Variants in ACSM1 observed in about 807,000 individuals in gnomAD.
The protein encoded by ACSM1 is acyl-coenzyme A synthetase ACSM1, mitochondrial.
ACSM1 carries 79 observed loss-of-function variants against 75.8 expected under a neutral mutation model. That is an observed-to-expected ratio of 1.04 (90% CI 0.87 to 1.26). The LOEUF (loss-of-function observed/expected upper bound fraction) is 1.26, where lower values mean the gene tolerates loss of function less well. Ranked by LOEUF, ACSM1 falls within the 50% of genes most tolerant of loss-of-function variation. The pLI, the probability that ACSM1 is intolerant of heterozygous loss-of-function variation, is 0.00. For missense variants in ACSM1, 676 were observed against 720.1 expected, an observed-to-expected ratio of 0.94 and a Z score of 0.70; for synonymous variants, 279 against 265.8, an observed-to-expected ratio of 1.05 and a Z score of -0.48.
chr16:20,674,753 C>T (rs1026476487), intron 4 of ACSM1: 3 of 152,340 alleles, frequency 2.0e-5, no homozygotes, highest in Non-Finnish European at 4.4e-5. Context: ...GCTCTCCCCG[C>T]ATCCTGCCCA....
At chr16:20,666,925 C>T (rs373189519) in intron 6 of ACSM1, among the ~76,000 whole-genome samples, 5 of 152,068 alleles carry the variant, frequency 3.3e-5, no homozygotes, top group Admixed American at 6.6e-5. Context: ...TCCTACCTTT[C>T]GCCATATACA....
chr16:20,679,265 C>G (rs935360413), intron 4 of ACSM1: 1 of 152,258 alleles, frequency 6.6e-6, no homozygotes, highest in Non-Finnish European at 1.5e-5. Context: ...TTGCCCCACC[C>G]GAATAGACCT....
intron 8 of ACSM1, among the ~76,000 whole-genome samples, chr16:20,639,126 G>A (rs74011806): frequency 0.016 from 2,506 of 152,280 alleles, 55 homozygotes; most frequent in African/African-American, 0.057. Flanking sequence ...GGAGACAGAG[G>A]GAGAAAGTGG....
At chr16:20,641,903 G>A (rs1371253553) in intron 7 of ACSM1, among the ~76,000 whole-genome samples, 1 of 152,202 alleles carries the variant, frequency 6.6e-6, no homozygotes, top group Non-Finnish European at 1.5e-5. Context: ...GGAGTGCTCG[G>A]AAGAATCAGG....
chr16:20,678,493 C>A (rs163255), intron 4 of ACSM1, among the ~76,000 whole-genome samples: 1 of 152,104 alleles, frequency 6.6e-6, no homozygotes, highest in Middle Eastern at 3.4e-3. Flanking sequence ...TGAACTTCAC[C>A]GAATTACCCT....
At chr16:20,677,232 A>C (rs566634698) in intron 4 of ACSM1, among the ~76,000 whole-genome samples, 104 of 151,914 alleles carry the variant, frequency 6.8e-4, no homozygotes, top group African/African-American at 2.5e-3. Context: ...AAATTAAAAA[A>C]AAAAAAAAAG....
intron 1 of ACSM1, among the ~76,000 whole-genome samples, chr16:20,696,985 T>C (rs559551329): frequency 6.6e-6 from 1 of 152,310 alleles, no homozygotes; most frequent in South Asian, 2.1e-4. Context: ...TGTGATAATT[T>C]ACTTGCTGGC....
At chr16:20,694,426 A>C (rs1384949791) in intron 1 of ACSM1, among the ~76,000 whole-genome samples, 1 of 152,222 alleles carries the variant, frequency 6.6e-6, no homozygotes, top group East Asian at 1.9e-4. Context: ...CAAACATTTC[A>C]AACAATATTG....
At chr16:20,670,393 C>G (rs1187657495) in intron 5 of ACSM1, among the ~76,000 whole-genome samples, 6 of 152,200 alleles carry the variant, frequency 3.9e-5, no homozygotes, top group Admixed American at 3.9e-4. Flanking sequence ...AGTACCTGAT[C>G]CATGCCACTA....
At chr16:20,653,615 CA>C (rs1330201732) in intron 7 of ACSM1, among the ~76,000 whole-genome samples, 1 of 151,918 alleles carries the variant, frequency 6.6e-6, no homozygotes, top group African/African-American at 2.4e-5. Flanking sequence ...CAATAATAGA[CA>C]AACAGAGAGC....
chr16:20,685,489 C>A (rs771651025), intron 2 of ACSM1, 86 bp from the exon 3 acceptor site: 9 of 1,226,590 alleles, frequency 7.3e-6, no homozygotes, highest in Non-Finnish European at 1.1e-5. Flanking sequence ...TAGTCACGTT[C>A]CAATGTGAAC....
Position 20,658,787 on chromosome 16 carries a change from A to G in ACSM1, c.992+3007T>C, listed in dbSNP as rs137978125. Among the ~76,000 whole-genome samples the G allele has an allele frequency of 1.2e-4, 19 of 152,338 alleles. 3 individuals carry two copies. The South Asian group carries it at 2.7e-3, about 22-fold the overall frequency. On this transcript the variant is annotated intron_variant, in intron 7 of 13. Coordinates refer to ENST00000520010, the MANE Select transcript of ACSM1 (RefSeq NM_001318890.3). ...ACACCCTCCTCAGGATGCTATACCT[A>G]TGGAGACAAATTGGCCGGAAAAGAG...
intron 10 of ACSM1, among the ~76,000 whole-genome samples, chr16:20,634,519 G>A (rs920246125): frequency 2.8e-4 from 42 of 152,164 alleles, no homozygotes; most frequent in African/African-American, 1.0e-3. Flanking sequence ...GACTTACAGA[G>A]GAATGACATT....
intron 10 of ACSM1, among the ~76,000 whole-genome samples, chr16:20,635,860 C>T (rs941248102): frequency 3.9e-5 from 6 of 152,164 alleles, no homozygotes; most frequent in South Asian, 2.1e-4. Context: ...AGGCTGGTTT[C>T]GAACTCCTGA....
intron 6 of ACSM1, among the ~76,000 whole-genome samples, chr16:20,664,537 T>C (rs576498619): frequency 5.1e-4 from 78 of 152,126 alleles, no homozygotes; most frequent in Non-Finnish European, 1.0e-3. Context: ...AAAAAGATTT[T>C]GCCAAACAAA....
intron 10 of ACSM1, among the ~76,000 whole-genome samples, chr16:20,634,386 T>C (rs1303609050): frequency 6.6e-6 from 1 of 152,196 alleles, no homozygotes; most frequent in African/African-American, 2.4e-5. Flanking sequence ...AACAGATACT[T>C]AAACAACAGT....
intron 4 of ACSM1, among the ~76,000 whole-genome samples, chr16:20,677,142 C>T (rs1185930762): frequency 6.6e-6 from 1 of 151,650 alleles, no homozygotes; most frequent in Non-Finnish European, 1.5e-5. Context: ...TCCCAAATTT[C>T]TAGCTTATGG....
intron 7 of ACSM1, among the ~76,000 whole-genome samples, chr16:20,645,523 C>T (rs992218896): frequency 2.6e-5 from 4 of 152,138 alleles, no homozygotes; most frequent in African/African-American, 4.8e-5. Flanking sequence ...TGATGTTTTA[C>T]GAGGGTTGGG....
intron 10 of ACSM1, among the ~76,000 whole-genome samples, chr16:20,630,033 G>A (rs1474474528): frequency 6.7e-6 from 1 of 149,440 alleles, no homozygotes; most frequent in East Asian, 1.9e-4. Flanking sequence ...AAAGTTAAAG[G>A]ATGGATAAAA....
Sources: allele counts gnomAD v4.1 joint callset (sites outside exome capture counted in the v4.1 genomes callset), GRCh38; gene constraint gnomAD v4.1.1; transcripts MANE v1.5; gene names NCBI Gene and HGNC (gene_info 2026-07-23, HGNC 2026-07-21).